ARMC2: variants seen among roughly 807,000 people sequenced by gnomAD.
ARMC2 encodes armadillo repeat containing 2, also known as armadillo repeat-containing protein 2.
Under a neutral mutation model 90.3 loss-of-function variants are expected in ARMC2, and 67 were observed. The observed-to-expected ratio is 0.74, with a 90% CI of 0.61 to 0.91. ARMC2 has a LOEUF of 0.91. Ranked by LOEUF, ARMC2 falls within the 40% of genes least tolerant of loss-of-function variation. The pLI, the probability that ARMC2 is intolerant of heterozygous loss-of-function variation, is 0.00. For missense variants in ARMC2, 920 were observed against 1,030.9 expected (o/e 0.89, Z 1.47); for synonymous variants, 393 against 393.0 (o/e 1.00, Z 0.00).
chr6:109,001,854 A>G, the ARMC2 span, among the ~76,000 whole-genome samples: 1 of 152,236 alleles, frequency 6.6e-6, no homozygotes, highest in Non-Finnish European at 1.5e-5. Flanking sequence ...GAGAACTAAA[A>G]TTAACTAATA....
At chr6:109,014,111 T>C in the ARMC2 span, among the ~76,000 whole-genome samples, 1 of 152,196 alleles carries the variant, frequency 6.6e-6, no homozygotes, top group Non-Finnish European at 1.5e-5. Flanking sequence ...GTTTCCTCTT[T>C]TAGAAATGTA....
chr6:109,000,383 G>T, the ARMC2 span: 2 of 764,884 alleles, frequency 2.6e-6, no homozygotes, highest in Non-Finnish European at 3.9e-6. Flanking sequence ...AGATTCAGGG[G>T]GTAGAAAATA....
intron 13 of ARMC2, among the ~76,000 whole-genome samples, chr6:108,956,439 A>G (rs1247991752): frequency 8.6e-5 from 13 of 151,994 alleles, no homozygotes; most frequent in Non-Finnish European, 1.9e-4. Flanking sequence ...GTTCGCGCCT[A>G]TAATCCCAGC....
intron 5 of ARMC2, among the ~76,000 whole-genome samples, chr6:108,892,584 A>G (rs1771180441): frequency 6.6e-6 from 1 of 151,552 alleles, no homozygotes; most frequent in African/African-American, 2.4e-5. Flanking sequence ...ACATGGAGAA[A>G]CCCCATCTCT....
the ARMC2 span, chr6:109,002,350 A>C: frequency 6.2e-7 from 1 of 1,612,254 alleles, no homozygotes. Flanking sequence ...GTTCCTAGAA[A>C]AGAAAATTAC....
chr6:108,954,705 A>G (rs1777436526), intron 13 of ARMC2, among the ~76,000 whole-genome samples: 1 of 152,170 alleles, frequency 6.6e-6, no homozygotes, highest in Non-Finnish European at 1.5e-5. Flanking sequence ...GACACAAATG[A>G]TGTTTTGGAG....
chr6:109,051,611 CT>C, the ARMC2 span, among the ~76,000 whole-genome samples: 8 of 152,078 alleles, frequency 5.3e-5, no homozygotes, highest in African/African-American at 1.4e-4. Context: ...CACTGGTTTT[CT>C]TTTTTTCTGT....
Position 108,854,480 on chromosome 6 carries a change from CT to C in ARMC2, c.215del (p.Phe72SerfsTer24). ...CATCAGAAAATAGACCTCCTTCCTC[CT>C]TCAGGTATATGGCATTTCACATTCA... ...RTSENRPPSS[F>X]SLHASSFESS... On this transcript the variant is annotated frameshift_variant, in exon 2 of 18. Transcript: ENST00000392644. LOFTEE classifies it high-confidence loss of function. 1 of 1,613,032 alleles carries C rather than the reference CT, an allele frequency of 6.2e-7. No homozygotes were observed.
intron 12 of ARMC2, among the ~76,000 whole-genome samples, chr6:108,937,545 A>G (rs1776052746): frequency 6.6e-6 from 1 of 152,218 alleles, no homozygotes; most frequent in Non-Finnish European, 1.5e-5. Flanking sequence ...TATATTTAAA[A>G]GGTAACATTT....
At chr6:108,866,671 C>A (rs1056686534) in intron 3 of ARMC2, among the ~76,000 whole-genome samples, 2 of 152,134 alleles carry the variant, frequency 1.3e-5, no homozygotes, top group Non-Finnish European at 2.9e-5. Context: ...ATGGCCTGCA[C>A]AAGTTCACAT....
At chr6:109,039,163 G>A in the ARMC2 span, among the ~76,000 whole-genome samples, 1 of 151,782 alleles carries the variant, frequency 6.6e-6, no homozygotes, top group East Asian at 1.9e-4. Flanking sequence ...GGAGGAGGAG[G>A]AGAAGAAAGA....
intron 11 of ARMC2, among the ~76,000 whole-genome samples, chr6:108,931,823 G>A (rs751254350): frequency 1.3e-4 from 19 of 151,548 alleles, no homozygotes; most frequent in Non-Finnish European, 2.6e-4. Context: ...GAGTGCAATG[G>A]CATGATCTCG....
At position 108,948,958 on chromosome 6, in the gene ARMC2, G is replaced by T. The variant is rs562483621; in HGVS notation, c.1597-4075G>T. On this transcript the variant is annotated intron_variant, in intron 12 of 17. Coordinates refer to ENST00000392644, the MANE Select transcript of ARMC2 (RefSeq NM_032131.6). ...CTGGAGGTGGGACAGGGCTGGAGAA[G>T]CCTACTGAGCTGGACTCAGAGAAAA... Among the ~76,000 whole-genome samples, 21 of 152,168 alleles carry T rather than the reference G, an allele frequency of 1.4e-4. 1 individual carries two copies. Among genetic ancestry groups the T allele is most frequent in the African/African-American group, 4.8e-4 (20 of 41,498 alleles).
At position 108,939,540 on chromosome 6, in the gene ARMC2, A is replaced by G. The variant is rs59437884; in HGVS notation, c.1596+2541A>G. On this transcript the variant is annotated intron_variant, in intron 12 of 17. Transcript: ENST00000392644. ...GCCTGTTTCTCTTTCACCTTCCGCC[A>G]TGATTGAAAGTTTCCTGAGGCCTCC... Among the ~76,000 whole-genome samples, 873 of 152,204 alleles carry G rather than the reference A, an allele frequency of 5.7e-3. 6 individuals carry two copies. The highest frequency in any genetic ancestry group is 0.02 in the African/African-American group (830 of 41,532).
At chr6:108,905,770 C>T (rs1166895839) in intron 8 of ARMC2, among the ~76,000 whole-genome samples, 1 of 152,184 alleles carries the variant, frequency 6.6e-6, no homozygotes, top group Non-Finnish European at 1.5e-5. Flanking sequence ...CTCTTGGTGA[C>T]ATTGACGGCC....
chr6:109,051,682 T>G, the ARMC2 span, among the ~76,000 whole-genome samples: 1 of 152,248 alleles, frequency 6.6e-6, no homozygotes, highest in African/African-American at 2.4e-5. Flanking sequence ...CTCCATTTTG[T>G]GCCACTGTAA....
intron 11 of ARMC2, among the ~76,000 whole-genome samples, chr6:108,930,628 A>T (rs1387293962): frequency 2.1e-5 from 2 of 96,608 alleles, no homozygotes; most frequent in Admixed American, 1.7e-4. Context: ...TTGGAGTCTT[A>T]CTCTGTCGCC....
chr6:109,002,673 T>G, the ARMC2 span, among the ~76,000 whole-genome samples: 1 of 152,188 alleles, frequency 6.6e-6, no homozygotes, highest in Admixed American at 6.5e-5. Flanking sequence ...ACCAGTGTGT[T>G]TGTACATCTA....
downstream of ARMC2, among the ~76,000 whole-genome samples, chr6:108,977,235 TTTTC>T (rs1778999713): frequency 6.6e-6 from 1 of 152,214 alleles, no homozygotes; most frequent in African/African-American, 2.4e-5. Context: ...GTCAAAGGCC[TTTTC>T]TGCATCTATT....
Sources: gnomAD v4.1 joint callset for allele counts (sites outside exome capture counted in the v4.1 genomes callset) on GRCh38, gnomAD v4.1.1 for gene constraint, MANE v1.5 for transcripts, NCBI Gene and HGNC (gene_info 2026-07-23, HGNC 2026-07-21) for gene names.